NEK10: variants seen among roughly 807,000 people sequenced by gnomAD.
The protein encoded by NEK10 is NIMA related kinase 10.
Under a neutral mutation model 159.8 loss-of-function variants are expected in NEK10, and 122 were observed. The observed-to-expected ratio is 0.76, with a 90% CI of 0.66 to 0.89. The LOEUF is 0.89. Among genes scored for constraint, NEK10 ranks in the 40% least tolerant of loss-of-function variants. The pLI is 0.00. For missense variants in NEK10, 1,342 were observed against 1,323.1 expected (o/e 1.01, Z -0.22); for synonymous variants, 466 against 457.1 (o/e 1.02, Z -0.25).
chr3:27,131,991 C>A lies in NEK10; in HGVS notation c.2971-1G>T. The A allele has an allele frequency of 1.3e-6, 2 of 1,552,910 alleles. No homozygotes were observed. Among genetic ancestry groups the A allele is most frequent in the Non-Finnish European group, 1.8e-6 (2 of 1,127,064 alleles). ...AATTGTGGTGCAAAGCTGGAGGAAG[C>A]TGCATAAAATAAGAAAACAATCATT... On this transcript the variant is annotated splice_acceptor_variant, in intron 31 of 35. Transcript: ENST00000691995. LOFTEE classifies it high-confidence loss of function.
intron 29 of NEK10, among the ~76,000 whole-genome samples, chr3:27,167,129 C>T (rs185661527): frequency 6.6e-6 from 1 of 151,402 alleles, no homozygotes; most frequent in Admixed American, 6.6e-5. Flanking sequence ...GGCAAGCAGA[C>T]GTGGAGAAAT....
intron 22 of NEK10, among the ~76,000 whole-genome samples, chr3:27,272,765 C>T (rs1433187405): frequency 6.6e-6 from 1 of 152,154 alleles, no homozygotes; most frequent in Non-Finnish European, 1.5e-5. Flanking sequence ...CATGATGACA[C>T]AGACTTTAGG....
intron 7 of NEK10, among the ~76,000 whole-genome samples, chr3:27,312,571 A>G (rs2044789173): frequency 6.6e-6 from 1 of 152,048 alleles, no homozygotes; most frequent in South Asian, 2.1e-4. Flanking sequence ...AATACATTGT[A>G]TATATTTTAC....
intron 23 of NEK10, among the ~76,000 whole-genome samples, chr3:27,246,682 T>A (rs1337561417): frequency 6.6e-6 from 1 of 151,966 alleles, no homozygotes; most frequent in African/African-American, 2.4e-5. Flanking sequence ...ATCACCCCAA[T>A]CCCCCCAACC....
chr3:27,232,446 C>G (rs1013074012), intron 23 of NEK10, among the ~76,000 whole-genome samples: 1 of 151,970 alleles, frequency 6.6e-6, no homozygotes, highest in Non-Finnish European at 1.5e-5. Context: ...ATCCCATGCT[C>G]ATGGATAGGA....
chr3:27,190,321 T>C (rs564028312), intron 26 of NEK10, among the ~76,000 whole-genome samples: 37 of 152,232 alleles, frequency 2.4e-4, no homozygotes, highest in African/African-American at 8.7e-4. Context: ...GAAATACTGA[T>C]AGAGGAAATT....
intron 32 of NEK10, among the ~76,000 whole-genome samples, chr3:27,121,365 C>T (rs1010288744): frequency 1.3e-5 from 2 of 152,128 alleles, no homozygotes; most frequent in African/African-American, 2.4e-5. Flanking sequence ...TTTTCATCAT[C>T]GGTGATATGG....
intron 22 of NEK10, among the ~76,000 whole-genome samples, chr3:27,276,628 G>A (rs2041793935): frequency 2.6e-5 from 4 of 152,200 alleles, no homozygotes; most frequent in Admixed American, 2.0e-4. Context: ...AACTAAGCAT[G>A]TCCAAAACCT....
Position 27,227,065 on chromosome 3 carries a change from C to G in NEK10, c.2091-24508G>C, listed in dbSNP as rs1446823145. On this transcript the variant is annotated intron_variant, in intron 23 of 35. Transcript: ENST00000691995. Reference sequence around the variant, plus strand: ...GCTTTCATTCATTTATTCATTCATTCATTTATTCATTGAACAAGCATTTTC... The same window carrying G: ...GCTTTCATTCATTTATTCATTCATTGATTTATTCATTGAACAAGCATTTTC... 2.6e-5 allele frequency among the ~76,000 whole-genome samples: 4 copies of G among 152,162 alleles called. No homozygotes were observed. In the South Asian group the frequency reaches 8.3e-4, roughly 32 times the overall value.
Position 27,201,509 on chromosome 3 carries a change from C to A in NEK10, c.2291+1G>T. 1 of 1,613,418 alleles carries A rather than the reference C, an allele frequency of 6.2e-7. No individual in the cohort carries two copies. The highest frequency in any genetic ancestry group is 8.5e-7 in the Non-Finnish European group (1 of 1,179,540). On this transcript the variant is annotated splice_donor_variant, in intron 25 of 35. Transcript: ENST00000691995. LOFTEE classifies it high-confidence loss of function. ...ATGTCTGAAGCCGCAAGACTAATTACCTGCTGATGGTGTCTGTTACTTTTT... is the reference window on the plus strand; with the variant it reads ...ATGTCTGAAGCCGCAAGACTAATTAACTGCTGATGGTGTCTGTTACTTTTT...
chr3:27,291,504 A>T lies in NEK10; in HGVS notation c.1456T>A (p.Ser486Thr), dbSNP rs1036646891. Residue 486 changes from serine (S) to threonine (T), a missense_variant, in exon 17 of 36, where the codon TCC becomes ACC. By Grantham distance (58) the Ser-to-Thr change is moderately conservative. Coordinates refer to ENST00000691995, the MANE Select transcript of NEK10 (RefSeq NM_001394966.1). ...CTTACCACTAATAAATTCAGCTTGG[A>T]TACCAATTCTTCATAAGCACTGATA... ...RDISAYEELVSKLNLLVEDEL... is the reference protein window; with the variant it reads ...RDISAYEELVTKLNLLVEDEL... 3.1e-6 allele frequency: 5 copies of T among 1,610,130 alleles called. No individual in the cohort carries two copies. Among genetic ancestry groups the T allele is most frequent in the Non-Finnish European group, 4.3e-6 (5 of 1,176,392 alleles).
intron 15 of NEK10, among the ~76,000 whole-genome samples, chr3:27,294,543 G>A (rs1332945819): frequency 1.3e-5 from 2 of 152,128 alleles, no homozygotes; most frequent in Non-Finnish European, 1.5e-5. Context: ...TGCAGGATGG[G>A]TTTGTCTTTA....
rs185609949 is a variant in NEK10, at chr3:27,250,436, T to A, written c.2090+5860A>T. ...CTCCTGACCTCGTGATCCACCTGCC[T>A]TGGTCTCCCAAAGTGCTGGGATTAC... On this transcript the variant is annotated intron_variant, in intron 23 of 35. Coordinates refer to ENST00000691995, the MANE Select transcript of NEK10 (RefSeq NM_001394966.1). Among the ~76,000 whole-genome samples, 771 of 152,274 alleles carry A rather than the reference T, an allele frequency of 5.1e-3. 5 individuals carry two copies. The highest frequency in any genetic ancestry group is 0.018 in the African/African-American group (739 of 41,552).
At chr3:27,257,158 C>T (rs1045638764) in intron 22 of NEK10, among the ~76,000 whole-genome samples, 1 of 152,180 alleles carries the variant, frequency 6.6e-6, no homozygotes, top group Non-Finnish European at 1.5e-5. Context: ...TTGTGATCCA[C>T]CTGCCTTGGC....
intron 1 of NEK10, among the ~76,000 whole-genome samples, chr3:27,355,406 T>C (rs2149840323): frequency 6.6e-6 from 1 of 152,180 alleles, no homozygotes; most frequent in South Asian, 2.1e-4. Flanking sequence ...AAATTTAACA[T>C]ACCCTAAACA....
rs1438009996 is a variant in NEK10, at chr3:27,174,634, C to T, written c.2689+16G>A. 3 of 1,602,660 alleles carry T rather than the reference C, an allele frequency of 1.9e-6. No homozygotes were observed. Among genetic ancestry groups the T allele is most frequent in the South Asian group, 1.1e-5 (1 of 89,300 alleles). Reference sequence around the variant, plus strand: ...CACTAGCAGTACCTACGTTGACACACTGCCACTAGCAGTACCTTTCTCAGC... The same window carrying T: ...CACTAGCAGTACCTACGTTGACACATTGCCACTAGCAGTACCTTTCTCAGC... On this transcript the variant is annotated intron_variant, in intron 27 of 35. Coordinates refer to ENST00000691995, the MANE Select transcript of NEK10 (RefSeq NM_001394966.1).
intron 5 of NEK10, among the ~76,000 whole-genome samples, chr3:27,332,489 C>A (rs1319219824): frequency 6.6e-6 from 1 of 152,206 alleles, no homozygotes; most frequent in Non-Finnish European, 1.5e-5. Flanking sequence ...CCTTCATTGT[C>A]AGGTGACCTA....
rs149808605 is a variant in NEK10, at chr3:27,284,253, C to T, written c.2014+349G>A. On this transcript the variant is annotated intron_variant, in intron 22 of 35. Transcript: ENST00000691995. ...ATACAAAATTAGGTGGGCATGGTGGCGGGTGCCCATAATCCCAGCTATTCA... is the reference window on the plus strand; with the variant it reads ...ATACAAAATTAGGTGGGCATGGTGGTGGGTGCCCATAATCCCAGCTATTCA... Among the ~76,000 whole-genome samples the T allele has an allele frequency of 8.8e-3, 1,331 of 152,082 alleles. 24 individuals are homozygous for T. The highest frequency in any genetic ancestry group is 0.03 in the African/African-American group (1,235 of 41,498).
chr3:27,251,964 T>TA (rs1311454400), intron 23 of NEK10, among the ~76,000 whole-genome samples: 1 of 152,130 alleles, frequency 6.6e-6, no homozygotes, highest in Non-Finnish European at 1.5e-5. Flanking sequence ...TTTATTAGGG[T>TA]AAAAATCAGA....
Sources: allele counts gnomAD v4.1 joint callset (sites outside exome capture counted in the v4.1 genomes callset), GRCh38; gene constraint gnomAD v4.1.1; transcripts MANE v1.5; gene names NCBI Gene and HGNC (gene_info 2026-07-23, HGNC 2026-07-21).